BANK1: variants seen among roughly 807,000 people sequenced by gnomAD.
BANK1 encodes B cell scaffold protein with ankyrin repeats 1.
BANK1 carries 95 observed loss-of-function variants against 94.5 expected under a neutral mutation model. The ratio of observed to expected loss-of-function variants is 1.00; its 90% CI spans 0.85 to 1.19. The LOEUF (loss-of-function observed/expected upper bound fraction) is 1.19, where lower values mean the gene tolerates loss of function less well. Ranked by LOEUF, BANK1 falls within the 50% of genes most tolerant of loss-of-function variation. The probability of loss-of-function intolerance (pLI) is 0.00; values close to 1 mark genes in which losing one functional copy is unlikely to be tolerated. For synonymous variants in BANK1, 334 were observed against 308.4 expected (o/e 1.08, Z -0.87); for missense variants, 987 against 932.2 (o/e 1.06, Z -0.77).
chr4:101,941,383 A>C (rs192901342), intron 7 of BANK1, among the ~76,000 whole-genome samples: 1 of 151,848 alleles, frequency 6.6e-6, no homozygotes, highest in Non-Finnish European at 1.5e-5. Flanking sequence ...GCTCACTGCT[A>C]CTAGGTATTA....
chr4:101,836,615 A>G (rs1169665118), intron 2 of BANK1, among the ~76,000 whole-genome samples: 5 of 152,236 alleles, frequency 3.3e-5, no homozygotes, highest in African/African-American at 1.2e-4. Flanking sequence ...TGTTTCTGGT[A>G]CAGTTTGGTT....
chr4:101,897,925 T>C (rs1480315608), intron 6 of BANK1, among the ~76,000 whole-genome samples: 1 of 151,892 alleles, frequency 6.6e-6, no homozygotes, highest in East Asian at 1.9e-4. Flanking sequence ...ATATGAAAGT[T>C]TTGAACCATC....
intron 7 of BANK1, among the ~76,000 whole-genome samples, chr4:101,934,720 A>T (rs1723470280): frequency 6.6e-6 from 1 of 151,598 alleles, no homozygotes; most frequent in Non-Finnish European, 1.5e-5. Context: ...ATTCATAAAT[A>T]AATGGACAAT....
chr4:101,790,898 A>C lies in BANK1; in HGVS notation c.18A>C (p.Pro6=). The part of the protein sequence containing the change: MLPAA[P]GKGLGSPDPA... ...CCGCCACAATGCTGCCAGCAGCGCC[A>C]GGCAAGGGGCTTGGGAGCCCGGACC... The change falls in exon 1 of 17, where the codon CCA becomes CCC. Residue 6 remains proline, a synonymous_variant. Coordinates refer to ENST00000322953, the MANE Select transcript of BANK1 (RefSeq NM_017935.5). The C allele has an allele frequency of 1.3e-6, 2 of 1,540,118 alleles. No individual in the cohort carries two copies. Among genetic ancestry groups the C allele is most frequent in the Non-Finnish European group, 1.7e-6 (2 of 1,147,534 alleles).
At chr4:101,907,216 G>A (rs2148895770) in intron 6 of BANK1, among the ~76,000 whole-genome samples, 1 of 152,216 alleles carries the variant, frequency 6.6e-6, no homozygotes, top group East Asian at 1.9e-4. Context: ...ATGATCAAGT[G>A]GGCTTCATCC....
intron 1 of BANK1, among the ~76,000 whole-genome samples, chr4:101,811,080 T>C (rs1417350958): frequency 1.3e-5 from 2 of 152,140 alleles, no homozygotes; most frequent in South Asian, 2.1e-4. Flanking sequence ...ATTAAAGAGC[T>C]TTTAAATGAC....
intron 7 of BANK1, among the ~76,000 whole-genome samples, chr4:102,004,563 A>T (rs1373956209): frequency 2.6e-5 from 4 of 151,952 alleles, no homozygotes; most frequent in East Asian, 1.9e-4. Context: ...ATTATGAAAA[A>T]CTCAGTGCCA....
In BANK1 at chr4:102,059,719, G is replaced by GAAAT. The variant is rs565167061; in HGVS notation, c.1970-487_1970-484dup. Among the ~76,000 whole-genome samples the GAAAT allele has an allele frequency of 1.6e-3, 244 of 152,228 alleles. 2 individuals carry two copies. Among genetic ancestry groups the GAAAT allele is most frequent in the Middle Eastern group, 0.014 (4 of 294 alleles). On this transcript the variant is annotated intron_variant, in intron 11 of 16. Transcript: ENST00000322953. ...CCAATTATTTATTTAAAATCTTTCA[G>GAAAT]AAATAAATTTTCAAATGATCCTAAG...
At chr4:101,810,002 T>A (rs1725687278) in intron 1 of BANK1, among the ~76,000 whole-genome samples, 1 of 152,084 alleles carries the variant, frequency 6.6e-6, no homozygotes, top group Admixed American at 6.5e-5. Context: ...TCATGGATTG[T>A]CCAGTTGGGC....
chr4:101,854,062 T>C (rs1055441171), intron 2 of BANK1, among the ~76,000 whole-genome samples: 1 of 152,146 alleles, frequency 6.6e-6, no homozygotes, highest in African/African-American at 2.4e-5. Context: ...AGTAGCAGGC[T>C]AACTTCCGGA....
At chr4:102,045,323 C>T (rs11734379) in intron 11 of BANK1, among the ~76,000 whole-genome samples, 4,209 of 152,224 alleles carry the variant, frequency 0.028, 71 homozygotes, top group Non-Finnish European at 0.038. Flanking sequence ...GACAAACCCA[C>T]AGCCAATATC....
intron 5 of BANK1, among the ~76,000 whole-genome samples, chr4:101,886,761 T>TGC (rs1728870025): frequency 7.4e-6 from 1 of 135,136 alleles, no homozygotes; most frequent in African/African-American, 2.6e-5. Flanking sequence ...AACAATATAT[T>TGC]GGGGGGGGGG....
intron 7 of BANK1, among the ~76,000 whole-genome samples, chr4:101,948,999 G>A (rs1474438205): frequency 1.3e-5 from 2 of 151,796 alleles, no homozygotes; most frequent in Non-Finnish European, 2.9e-5. Context: ...GAGTTTGTGG[G>A]TGACCCCTTA....
At chr4:101,857,373 G>T (rs779413611) in intron 3 of BANK1, among the ~76,000 whole-genome samples, 1 of 152,102 alleles carries the variant, frequency 6.6e-6, no homozygotes, top group Non-Finnish European at 1.5e-5. Context: ...TTATAGTTGC[G>T]TAATTTTCAT....
intron 7 of BANK1, among the ~76,000 whole-genome samples, chr4:101,929,492 CA>C (rs1266246989): frequency 6.6e-6 from 1 of 151,522 alleles, no homozygotes; most frequent in Non-Finnish European, 1.5e-5. Flanking sequence ...AACTATATGA[CA>C]CATGAATTTT....
chr4:101,919,523 C>T (rs1054186470), intron 7 of BANK1, among the ~76,000 whole-genome samples: 8 of 151,938 alleles, frequency 5.3e-5, no homozygotes, highest in African/African-American at 1.7e-4. Context: ...TTTTCTCTTA[C>T]ACCCTCTCAG....
intron 7 of BANK1, among the ~76,000 whole-genome samples, chr4:102,001,242 A>T (rs185475145): frequency 1.8e-4 from 28 of 152,354 alleles, no homozygotes; most frequent in Non-Finnish European, 3.2e-4. Flanking sequence ...CTTAGACAAC[A>T]TATACTGAAG....
rs541356791 is a variant in BANK1, at chr4:101,893,591, T to C, written c.904-1714T>C. On this transcript the variant is annotated intron_variant, in intron 5 of 16. Transcript: ENST00000322953. The stretch of plus-strand genomic sequence containing the variant: ...ACTAAAACACTTTTTTTAGCTTTAG[T>C]ATAAAGTGTCAACATATTACCAATA... 5.3e-5 allele frequency among the ~76,000 whole-genome samples: 8 copies of C among 152,152 alleles called. No individual in the cohort carries two copies. In the South Asian group the frequency reaches 1.0e-3, roughly 20 times the overall value.
chr4:102,059,277 C>T (rs571346043), intron 11 of BANK1, among the ~76,000 whole-genome samples: 7 of 152,306 alleles, frequency 4.6e-5, no homozygotes, highest in Middle Eastern at 6.8e-3. Flanking sequence ...TCTCTCCTTT[C>T]AGACTCTGTG....
Sources: gnomAD v4.1 joint callset for allele counts (sites outside exome capture counted in the v4.1 genomes callset) on GRCh38, gnomAD v4.1.1 for gene constraint, MANE v1.5 for transcripts, NCBI Gene and HGNC (gene_info 2026-07-23, HGNC 2026-07-21) for gene names.